The following PDE4D variants were observed in gnomAD, a reference collection of about 807,000 sequenced individuals.
PDE4D encodes 3',5'-cyclic-AMP phosphodiesterase 4D.
Under a neutral mutation model 87.4 loss-of-function variants are expected in PDE4D, and 24 were observed. The ratio of observed to expected loss-of-function variants is 0.27; its 90% CI spans 0.20 to 0.39. The LOEUF (loss-of-function observed/expected upper bound fraction) is 0.39, where lower values mean the gene tolerates loss of function less well. Ranked by LOEUF, PDE4D falls within the 10% of genes least tolerant of loss-of-function variation. The pLI, the probability that PDE4D is intolerant of heterozygous loss-of-function variation, is 1.00. For synonymous variants in PDE4D, 384 were observed against 383.2 expected (o/e 1.00, Z -0.02); for missense variants, 714 against 1,041.0 (o/e 0.69, Z 4.32).
At chr5:59,251,947 C>T (rs1281208044) in intron 1 of PDE4D, among the ~76,000 whole-genome samples, 1 of 152,120 alleles carries the variant, frequency 6.6e-6, no homozygotes, top group East Asian at 1.9e-4. Flanking sequence ...TGCATGTTCT[C>T]ACTTATAAGT....
At chr5:59,628,207 A>G (rs1831131155) in intron 1 of PDE4D, among the ~76,000 whole-genome samples, 1 of 152,166 alleles carries the variant, frequency 6.6e-6, no homozygotes, top group Admixed American at 6.5e-5. Flanking sequence ...TACACCCAAT[A>G]CACCTGGTAC....
intron 2 of PDE4D, among the ~76,000 whole-genome samples, chr5:60,122,597 C>T (rs1778788037): frequency 6.6e-6 from 1 of 152,208 alleles, no homozygotes; most frequent in South Asian, 2.1e-4. Flanking sequence ...GGTCACTAGA[C>T]TGCACACAGC....
intron 1 of PDE4D, among the ~76,000 whole-genome samples, chr5:60,306,102 T>C (rs551265666): frequency 8.7e-4 from 133 of 152,136 alleles, no homozygotes; most frequent in African/African-American, 3.0e-3. Context: ...AGAAATTATA[T>C]AAACCACAAG....
chr5:59,355,224 A>G (rs1300612270), intron 1 of PDE4D, among the ~76,000 whole-genome samples: 1 of 152,260 alleles, frequency 6.6e-6, no homozygotes, highest in East Asian at 1.9e-4. Context: ...TTACAATACC[A>G]TAACACCTCA....
chr5:59,779,408 T>C (rs747865962), intron 1 of PDE4D, among the ~76,000 whole-genome samples: 4 of 152,186 alleles, frequency 2.6e-5, no homozygotes, highest in Non-Finnish European at 5.9e-5. Context: ...CATTCAAATG[T>C]TGCTATTAGG....
chr5:59,127,375 T>C (rs1404885686), intron 5 of PDE4D, among the ~76,000 whole-genome samples: 2 of 152,192 alleles, frequency 1.3e-5, no homozygotes, highest in East Asian at 3.9e-4. Context: ...CAGTTTGTTT[T>C]ATGTGCATGC....
intron 1 of PDE4D, among the ~76,000 whole-genome samples, chr5:59,412,969 C>T (rs1792950336): frequency 2.0e-5 from 3 of 148,072 alleles, no homozygotes; most frequent in Non-Finnish European, 4.4e-5. Flanking sequence ...ATGAAATCAG[C>T]CAAATTTAAA....
At chr5:59,139,686 T>C (rs1170945626) in intron 5 of PDE4D, among the ~76,000 whole-genome samples, 1 of 151,714 alleles carries the variant, frequency 6.6e-6, no homozygotes, top group Admixed American at 6.6e-5. Context: ...TGCCATGTTG[T>C]CCAGGCTGGT....
At chr5:60,419,311 C>A (rs1472255297) in intron 1 of PDE4D, among the ~76,000 whole-genome samples, 2 of 151,702 alleles carry the variant, frequency 1.3e-5, no homozygotes, top group African/African-American at 4.8e-5. Context: ...TGTAGAAATT[C>A]TTTATATATT....
At chr5:60,370,787 A>G (rs918859437) in intron 1 of PDE4D, among the ~76,000 whole-genome samples, 1 of 151,594 alleles carries the variant, frequency 6.6e-6, no homozygotes, top group African/African-American at 2.4e-5. Context: ...GCGTGCGTGC[A>G]TGCCCACTTG....
At chr5:60,434,275 T>C (rs1448041742) in intron 1 of PDE4D, among the ~76,000 whole-genome samples, 1 of 152,160 alleles carries the variant, frequency 6.6e-6, no homozygotes, top group Non-Finnish European at 1.5e-5. Flanking sequence ...GGTTGTAAGA[T>C]TCGGCACTGT....
intron 1 of PDE4D, among the ~76,000 whole-genome samples, chr5:59,641,342 A>G (rs890545518): frequency 1.3e-5 from 2 of 152,216 alleles, no homozygotes; most frequent in Non-Finnish European, 2.9e-5. Context: ...CACCAGTGAG[A>G]CCATCACCAC....
Position 59,272,698 on chromosome 5 carries a change from G to T in PDE4D, c.456-56730C>A, listed in dbSNP as rs6877904. On this transcript the variant is annotated intron_variant, in intron 1 of 14. Transcript: ENST00000340635. ...AAGAGACAAATAGATTAATTTTAAG[G>T]TTATTTGTATTTTGTCTTGAAATTA... 2.0e-3 allele frequency among the ~76,000 whole-genome samples: 302 copies of T among 152,098 alleles called. 4 individuals carry two copies. The highest frequency in any genetic ancestry group is 6.7e-3 in the African/African-American group (279 of 41,510).
In PDE4D at chr5:59,840,056, G is replaced by T. The variant is rs541697333; in HGVS notation, c.455+53112C>A. Among the ~76,000 whole-genome samples the T allele has an allele frequency of 1.2e-4, 19 of 152,034 alleles. No homozygotes were observed. In the South Asian group the frequency reaches 3.9e-3, roughly 31 times the overall value. On this transcript the variant is annotated intron_variant, in intron 1 of 14. Coordinates refer to ENST00000340635, the MANE Select transcript of PDE4D (RefSeq NM_001104631.2). ...CCATCTTCCAACACTTTCCCCCTCT[G>T]AGCATCTTTTTTTTCCTGGCTCAGG... is the stretch of plus-strand genomic sequence containing the variant.
intron 1 of PDE4D, among the ~76,000 whole-genome samples, chr5:60,223,994 G>A (rs1163919097): frequency 6.6e-6 from 1 of 151,996 alleles, no homozygotes; most frequent in Non-Finnish European, 1.5e-5. Context: ...GAGTAAGTGG[G>A]TGGCTAGCAA....
At chr5:59,166,433 G>A (rs982498286) in intron 5 of PDE4D, 1 of 152,156 alleles carries the variant, frequency 6.6e-6, no homozygotes, top group African/African-American at 2.4e-5. Context: ...GCAAGGGAGG[G>A]TCTGTAGAAA....
At chr5:59,878,051 G>A (rs184907181) in intron 1 of PDE4D, among the ~76,000 whole-genome samples, 1 of 152,220 alleles carries the variant, frequency 6.6e-6, no homozygotes, top group East Asian at 1.9e-4. Flanking sequence ...TTCCTAGTTA[G>A]AGAGAGAGGG....
At chr5:60,332,487 A>G (rs1757390594) in intron 1 of PDE4D, among the ~76,000 whole-genome samples, 1 of 152,206 alleles carries the variant, frequency 6.6e-6, no homozygotes. Context: ...AATGGGTTCC[A>G]GCTGCATCCA....
At chr5:59,947,336 T>C (rs1176089667) in intron 3 of PDE4D, among the ~76,000 whole-genome samples, 1 of 152,184 alleles carries the variant, frequency 6.6e-6, no homozygotes, top group African/African-American at 2.4e-5. Context: ...TAACTTGCCA[T>C]ATCCTTCCTG....
Sources: allele counts gnomAD v4.1 joint callset (sites outside exome capture counted in the v4.1 genomes callset), GRCh38; gene constraint gnomAD v4.1.1; transcripts MANE v1.5; gene names NCBI Gene and HGNC (gene_info 2026-07-23, HGNC 2026-07-21).